Variants in JMJD1C observed in about 807,000 individuals in gnomAD.
JMJD1C encodes the protein jumonji domain containing 1C, also known as jumonji domain-containing protein 1C.
JMJD1C carries 31 observed loss-of-function variants against 245.3 expected under a neutral mutation model. The ratio of observed to expected loss-of-function variants is 0.13; its 90% CI spans 0.09 to 0.17. JMJD1C has a LOEUF of 0.17. Ranked by LOEUF, JMJD1C falls within the 10% of genes least tolerant of loss-of-function variation. The pLI, the probability that JMJD1C is intolerant of heterozygous loss-of-function variation, is 1.00. For synonymous variants in JMJD1C, 1,057 were observed against 1,017.4 expected (o/e 1.04, Z -0.74); for missense variants, 2,691 against 3,000.2 (o/e 0.90, Z 2.41).
Position 63,299,646 on chromosome 10 carries a change from C to T in JMJD1C, c.334-34882G>A, listed in dbSNP as rs147987692. Among the ~76,000 whole-genome samples the T allele has an allele frequency of 1.1e-3, 169 of 152,198 alleles. 1 individual carries two copies. The highest frequency in any genetic ancestry group is 3.7e-3 in the African/African-American group (153 of 41,536). ...AATAATGTCAACTTTGATACTGCTGCCCATAGTTTTTGTATAAAAAAACTA... is the reference window on the plus strand; with the variant it reads ...AATAATGTCAACTTTGATACTGCTGTCCATAGTTTTTGTATAAAAAAACTA... On this transcript the variant is annotated intron_variant, in intron 2 of 25. Coordinates refer to ENST00000399262, the MANE Select transcript of JMJD1C (RefSeq NM_032776.3).
chr10:63,186,445 G>GT, intron 18 of JMJD1C, 62 bp from the exon 19 acceptor site: 1 of 1,341,720 alleles, frequency 7.5e-7, no homozygotes. Context: ...TTGTTTGTTT[G>GT]TTTGTTTGTT....
At chr10:63,483,067 A>G (rs1248384123) in intron 1 of JMJD1C, among the ~76,000 whole-genome samples, 5 of 152,242 alleles carry the variant, frequency 3.3e-5, no homozygotes, top group African/African-American at 1.2e-4. Flanking sequence ...ATCTCAAATT[A>G]TAACTATAAA....
intron 2 of JMJD1C, among the ~76,000 whole-genome samples, chr10:63,329,925 G>A (rs192069504): frequency 3.7e-4 from 56 of 152,250 alleles, no homozygotes; most frequent in African/African-American, 1.2e-3. Flanking sequence ...TTTTTGAGAC[G>A]GAGTCTCGCT....
chr10:63,476,595 T>G (rs1953668419), intron 1 of JMJD1C, among the ~76,000 whole-genome samples: 1 of 151,974 alleles, frequency 6.6e-6, no homozygotes, highest in Non-Finnish European at 1.5e-5. Flanking sequence ...CCTGGTGGTG[T>G]GCACATGCAG....
chr10:63,456,133 A>G (rs927768793), intron 1 of JMJD1C, among the ~76,000 whole-genome samples: 8 of 152,092 alleles, frequency 5.3e-5, no homozygotes, highest in African/African-American at 1.9e-4. Flanking sequence ...TCACATGAAC[A>G]ATGTAAAGTA....
chr10:63,484,236 G>GGATGGATGGATGGATGGATA (rs1416097314), intron 1 of JMJD1C, among the ~76,000 whole-genome samples: 173 of 92,736 alleles, frequency 1.9e-3, no homozygotes, highest in African/African-American at 5.0e-3. Flanking sequence ...ATGGATGGAT[G>GGATGGATGGATGGATGGATA]GATAGATAGA....
At chr10:63,341,677 T>A (rs557382014) in intron 2 of JMJD1C, among the ~76,000 whole-genome samples, 1 of 152,342 alleles carries the variant, frequency 6.6e-6, no homozygotes, top group Non-Finnish European at 1.5e-5. Flanking sequence ...TTCCTTCAAC[T>A]GTTCTAATTA....
intron 4 of JMJD1C, among the ~76,000 whole-genome samples, chr10:63,219,666 G>T (rs1848386796): frequency 6.6e-6 from 1 of 152,116 alleles, no homozygotes; most frequent in Non-Finnish European, 1.5e-5. Flanking sequence ...TTTCATGACA[G>T]GCATTCAGTT....
In JMJD1C at chr10:63,305,459, CCTCTCTCTCT is replaced by C. The variant is rs371564275; in HGVS notation, c.334-40705_334-40696del. 2.6e-3 allele frequency among the ~76,000 whole-genome samples: 289 copies of C among 113,086 alleles called. 4 individuals are homozygous for C. Among genetic ancestry groups the C allele is most frequent in the Non-Finnish European group, 4.2e-3 (231 of 55,472 alleles). The allele number at this position is 113,086 out of a possible 152,430, so 74.2% of individuals were successfully genotyped here. ...GGATGACATGGCAAGACGCTCTGAC[CCTCTCTCTCT>C]CTCTCTCTCTCTCTCTCTCTCTCTC... On this transcript the variant is annotated intron_variant, in intron 2 of 25. Coordinates refer to ENST00000399262, the MANE Select transcript of JMJD1C (RefSeq NM_032776.3).
At chr10:63,308,751 C>CAAAAA (rs377153800) in intron 2 of JMJD1C, among the ~76,000 whole-genome samples, 20 of 49,606 alleles carry the variant, frequency 4.0e-4, no homozygotes, top group East Asian at 1.6e-3. Flanking sequence ...CATTTGAGAA[C>CAAAAA]AAAAAAAAAA....
At chr10:63,435,335 T>C (rs1031326839) in intron 1 of JMJD1C, among the ~76,000 whole-genome samples, 8 of 152,198 alleles carry the variant, frequency 5.3e-5, no homozygotes, top group African/African-American at 1.9e-4. Context: ...AAGAAACAGT[T>C]GTACTTTTAA....
chr10:63,243,103 T>TTTTATATATATATATATATATATATATA (rs374884422), intron 3 of JMJD1C, among the ~76,000 whole-genome samples: 1 of 120,108 alleles, frequency 8.3e-6, no homozygotes, highest in Non-Finnish European at 1.8e-5. Flanking sequence ...CTAACATAAA[T>TTTTATATATATATATATATATATATATA]TATATATATA....
At chr10:63,209,034 TTA>T (rs767481796) in intron 9 of JMJD1C, 27 bp downstream of exon 9, 7 of 1,547,328 alleles carry the variant, frequency 4.5e-6, no homozygotes, top group Non-Finnish European at 8.8e-7. Flanking sequence ...AACAAGGTAT[TTA>T]TAATTTTTAA....
intron 2 of JMJD1C, among the ~76,000 whole-genome samples, chr10:63,277,731 C>CTTTT (rs35442695): frequency 0.17 from 10,610 of 63,992 alleles, 2,128 homozygotes; most frequent in Non-Finnish European, 0.23. Flanking sequence ...ATTTGCATTT[C>CTTTT]TTTTTTTTTT....
At chr10:63,245,507 A>C (rs1247157532) in intron 3 of JMJD1C, among the ~76,000 whole-genome samples, 1 of 69,730 alleles carries the variant, frequency 1.4e-5, no homozygotes, top group Non-Finnish European at 3.1e-5. Context: ...TTTGAGATGA[A>C]GTCTTGCTCT....
intron 3 of JMJD1C, among the ~76,000 whole-genome samples, chr10:63,259,906 G>C (rs954427599): frequency 5.3e-5 from 8 of 152,100 alleles, no homozygotes; most frequent in Admixed American, 6.6e-5. Context: ...TTATGATACA[G>C]AACTTTTTTT....
At chr10:63,435,806 T>C (rs546822012) in intron 1 of JMJD1C, among the ~76,000 whole-genome samples, 56 of 152,086 alleles carry the variant, frequency 3.7e-4, no homozygotes, top group Non-Finnish European at 6.9e-4. Flanking sequence ...GGCTGAGATA[T>C]GAGAACTGCT....
At chr10:63,452,109 A>G (rs1241317442) in intron 1 of JMJD1C, among the ~76,000 whole-genome samples, 1 of 152,226 alleles carries the variant, frequency 6.6e-6, no homozygotes, top group African/African-American at 2.4e-5. Context: ...ATTAAAATTT[A>G]TAATTTTCCT....
At chr10:63,498,719 G>A (rs1283925588) in intron 1 of JMJD1C, among the ~76,000 whole-genome samples, 1 of 150,972 alleles carries the variant, frequency 6.6e-6, no homozygotes, top group African/African-American at 2.4e-5. Context: ...TTTTTATTGT[G>A]GTAAGACCAC....
Sources: gnomAD v4.1 joint callset for allele counts (sites outside exome capture counted in the v4.1 genomes callset) on GRCh38, gnomAD v4.1.1 for gene constraint, MANE v1.5 for transcripts, NCBI Gene and HGNC (gene_info 2026-07-23, HGNC 2026-07-21) for gene names.